The following CSNK1G1 variants were observed in gnomAD, a reference collection of about 807,000 sequenced individuals.
The protein encoded by CSNK1G1 is casein kinase I isoform gamma-1.
In CSNK1G1, 22 loss-of-function variants were observed where a neutral mutation model predicts 59.6. That is an observed-to-expected ratio of 0.37 (90% CI 0.26 to 0.53). The LOEUF (loss-of-function observed/expected upper bound fraction) is 0.53, where lower values mean the gene tolerates loss of function less well. Ranked by LOEUF, CSNK1G1 falls within the 20% of genes least tolerant of loss-of-function variation. CSNK1G1 has a pLI of 0.89. For synonymous variants in CSNK1G1, 179 were observed against 177.1 expected (o/e 1.01, Z -0.08); for missense variants, 384 against 519.5 (o/e 0.74, Z 2.54).
In CSNK1G1 at chr15:64,305,703, AAAAAAC is replaced by A. The variant is rs1215825622; in HGVS notation, c.-224-4986_-224-4981del. 6.2e-3 allele frequency among the ~76,000 whole-genome samples: 935 copies of A among 150,206 alleles called. 10 individuals carry two copies. Among genetic ancestry groups the A allele is most frequent in the African/African-American group, 0.021 (871 of 40,572 alleles). On this transcript the variant is annotated intron_variant, in intron 1 of 11. Transcript: ENST00000303052. ...CAGTATGACCCTGTCTCCAAAAAAAAAAAAACAAAAACAAAAACAAAAAAAAAACTT... is the reference window on the plus strand; with the variant it reads ...CAGTATGACCCTGTCTCCAAAAAAAAAAAAACAAAAACAAAAAAAAAACTT...
rs1566930163 is a variant in CSNK1G1 at position 64,277,683 on chromosome 15, C to CAATATTGATATATTTAATAATATATT, written c.182-18468_182-18443dup. On this transcript the variant is annotated intron_variant, in intron 2 of 11. Coordinates refer to ENST00000303052, the MANE Select transcript of CSNK1G1 (RefSeq NM_022048.5). ...AATATTGATATATTTAATAATATAG[C>CAATATTGATATATTTAATAATATATT]AATATTGATATATTTAATAATATAT... Among the ~76,000 whole-genome samples, 10 of 85,392 alleles carry CAATATTGATATATTTAATAATATATT rather than the reference C, an allele frequency of 1.2e-4. 1 individual carries two copies. Among genetic ancestry groups the CAATATTGATATATTTAATAATATATT allele is most frequent in the Admixed American group, 4.7e-4 (4 of 8,484 alleles). The allele number at this position is 85,392 out of a possible 152,430, so 56.0% of individuals were successfully genotyped here.
intron 11 of CSNK1G1, among the ~76,000 whole-genome samples, chr15:64,174,984 T>C (rs1259974213): frequency 6.6e-6 from 1 of 151,204 alleles, no homozygotes; most frequent in Non-Finnish European, 1.5e-5. Flanking sequence ...CCAAGCTCTT[T>C]GGGGCAAATT....
In CSNK1G1 at chr15:64,171,662, G is replaced by A. The variant is rs1393358949; in HGVS notation, c.*269C>T. 1.9e-6 allele frequency: 1 copy of A among 532,790 alleles called. No homozygotes were observed. The highest frequency in any genetic ancestry group is 3.4e-6 in the Non-Finnish European group (1 of 297,014). 33.0% of individuals were successfully genotyped at this position (532,790 alleles called of 1,614,324 possible). On this transcript the variant is annotated 3_prime_UTR_variant, in exon 12 of 12. Transcript: ENST00000303052. This position sits in a 1 kb window ranked among gnomAD's most constrained non-coding sequence, Gnocchi z 4.8. ...ACACCTTCACTGTAAACAATGGGAA[G>A]GAGAGTCAACCAGGCAGCCCTATGG...
rs184722823 is a variant in CSNK1G1 at position 64,214,142 on chromosome 15, G to A, written c.445-18C>T. The A allele has an allele frequency of 1.1e-5, 17 of 1,538,250 alleles. No homozygotes were observed. The Admixed American group carries it at 1.3e-4, about 12-fold the overall frequency. Reference sequence around the variant, plus strand: ...CGAGAAAGCTGAAAGAGAAACAAATGATAGAAAGACTGTAAAGAAGTATAT... The same window carrying A: ...CGAGAAAGCTGAAAGAGAAACAAATAATAGAAAGACTGTAAAGAAGTATAT... On this transcript the variant is annotated intron_variant, in intron 5 of 11. Coordinates refer to ENST00000303052, the MANE Select transcript of CSNK1G1 (RefSeq NM_022048.5). The surrounding 1 kb of genome is among the most constrained non-coding windows in gnomAD (Gnocchi z 4.3).
chr15:64,263,017 T>G (rs1417011934), intron 2 of CSNK1G1, among the ~76,000 whole-genome samples: 2 of 140,944 alleles, frequency 1.4e-5, no homozygotes, highest in African/African-American at 5.4e-5. Context: ...AGGCAGAGGT[T>G]GCAGTGAGCG....
chr15:64,316,299 G>A (rs774689008), intron 1 of CSNK1G1, among the ~76,000 whole-genome samples: 1 of 152,142 alleles, frequency 6.6e-6, no homozygotes, highest in Non-Finnish European at 1.5e-5. Context: ...CACTTTGGGA[G>A]GCCAAGGCGA....
At chr15:64,234,824 G>A (rs2082594162) in intron 4 of CSNK1G1, among the ~76,000 whole-genome samples, 8 of 152,094 alleles carry the variant, frequency 5.3e-5, no homozygotes. Context: ...CCACAAGTAA[G>A]CTACCTGGAC....
At chr15:64,175,086 T>C (rs2081725880) in intron 11 of CSNK1G1, among the ~76,000 whole-genome samples, 1 of 146,274 alleles carries the variant, frequency 6.8e-6, no homozygotes, top group Non-Finnish European at 1.5e-5. Context: ...AAGGATCATG[T>C]GACTGACACC....
chr15:64,266,962 T>A (rs1302690339), intron 2 of CSNK1G1, among the ~76,000 whole-genome samples: 1 of 152,144 alleles, frequency 6.6e-6, no homozygotes, highest in Non-Finnish European at 1.5e-5. Flanking sequence ...CAAAGATGTT[T>A]TGGATGGGAC....
intron 4 of CSNK1G1, among the ~76,000 whole-genome samples, chr15:64,228,394 T>A (rs1360818983): frequency 6.6e-6 from 1 of 152,238 alleles, no homozygotes; most frequent in Non-Finnish European, 1.5e-5. Context: ...ACGCCTGTAA[T>A]CCCAGCACTG....
At chr15:64,225,206 A>C (rs551613787) in intron 4 of CSNK1G1, among the ~76,000 whole-genome samples, 2 of 151,860 alleles carry the variant, frequency 1.3e-5, no homozygotes, top group Admixed American at 1.3e-4. Flanking sequence ...CTGGGGTTTC[A>C]CCATGTTAGC....
At chr15:64,346,078 G>A (rs1333727922) in intron 1 of CSNK1G1, among the ~76,000 whole-genome samples, 1 of 145,950 alleles carries the variant, frequency 6.9e-6, no homozygotes, top group Admixed American at 6.9e-5. Context: ...ACTGCACCCG[G>A]CAGAAAAAAT....
intron 4 of CSNK1G1, among the ~76,000 whole-genome samples, chr15:64,223,584 A>T (rs568709712): frequency 1.3e-5 from 2 of 152,198 alleles, no homozygotes; most frequent in African/African-American, 4.8e-5. Flanking sequence ...GGTAAACTGC[A>T]TAGAAACCTG....
chr15:64,303,107 T>C (rs929634288), intron 1 of CSNK1G1, among the ~76,000 whole-genome samples: 2 of 151,924 alleles, frequency 1.3e-5, no homozygotes, highest in South Asian at 2.1e-4. Flanking sequence ...TATGTGCCTA[T>C]AGTCTCCAGT....
intron 1 of CSNK1G1, among the ~76,000 whole-genome samples, chr15:64,305,665 G>A (rs1434633692): frequency 5.5e-5 from 8 of 146,772 alleles, no homozygotes; most frequent in Admixed American, 4.9e-4. Context: ...GTTGCAGTGC[G>A]CTATGATAGT....
intron 10 of CSNK1G1, among the ~76,000 whole-genome samples, chr15:64,194,517 C>CTTTTTT (rs374224209): frequency 2.3e-4 from 29 of 128,300 alleles, no homozygotes; most frequent in South Asian, 7.9e-4. Context: ...CTTTTCTTTT[C>CTTTTTT]TTTTTTTTTT....
In CSNK1G1 at chr15:64,245,516, C is replaced by T. The variant is rs1305565166; in HGVS notation, c.292+5996G>A. On this transcript the variant is annotated intron_variant, in intron 4 of 11. Transcript: ENST00000303052. The stretch of plus-strand genomic sequence containing the variant: ...CATGTGTGTACGTCCATGTTTATTA[C>T]AGCTCTATTCATAATAGCAAAGATA... Among the ~76,000 whole-genome samples the T allele has an allele frequency of 1.6e-4, 25 of 152,040 alleles. 1 individual carries two copies. The highest frequency in any genetic ancestry group is 1.6e-3 in the Admixed American group (25 of 15,260).
At chr15:64,320,633 C>T (rs1351616675) in intron 1 of CSNK1G1, among the ~76,000 whole-genome samples, 1 of 141,224 alleles carries the variant, frequency 7.1e-6, no homozygotes, top group Admixed American at 7.7e-5. Context: ...GAGCTGAGAT[C>T]GTGTCAATGT....
At chr15:64,172,190 G>A (rs1365137309) in intron 11 of CSNK1G1, among the ~76,000 whole-genome samples, 1 of 152,190 alleles carries the variant, frequency 6.6e-6, no homozygotes, top group Non-Finnish European at 1.5e-5. Flanking sequence ...ATTTCAATCT[G>A]CAGTCATCCT....
Sources: allele counts gnomAD v4.1 joint callset (sites outside exome capture counted in the v4.1 genomes callset), GRCh38; gene constraint gnomAD v4.1.1; non-coding constraint Gnocchi (gnomAD v3.1); transcripts MANE v1.5; gene names NCBI Gene and HGNC (gene_info 2026-07-23, HGNC 2026-07-21).